The following SEMA6B variants were observed in gnomAD, a reference collection of about 807,000 sequenced individuals.
SEMA6B encodes semaphorin-6B.
A neutral mutation model predicts 78.6 loss-of-function variants in SEMA6B; 47 were observed. That is an observed-to-expected ratio of 0.60 (90% CI 0.47 to 0.76). The LOEUF (loss-of-function observed/expected upper bound fraction) is 0.76, where lower values mean the gene tolerates loss of function less well. SEMA6B is among the 30% of genes least tolerant of loss of function. The pLI, the probability that SEMA6B is intolerant of heterozygous loss-of-function variation, is 0.00. For synonymous variants in SEMA6B, 632 were observed against 592.2 expected, an observed-to-expected ratio of 1.07 and a Z score of -0.98; for missense variants, 1,213 against 1,269.9, an observed-to-expected ratio of 0.96 and a Z score of 0.68.
Position 4,544,402 on chromosome 19 carries a change from C to G in SEMA6B, c.1866G>C (p.Val622=). 2.5e-6 allele frequency: 4 copies of G among 1,602,816 alleles called. No homozygotes were observed. Among genetic ancestry groups the G allele is most frequent in the Non-Finnish European group, 3.4e-6 (4 of 1,175,914 alleles). ...VVSGFSVGWF[V]GLRERRELAR... ...CCAGCTCCCGCCGCTCACGGAGGCCCACGAACCAGCCCACGCTGAAGCCGG... is the reference window on the plus strand; with the variant it reads ...CCAGCTCCCGCCGCTCACGGAGGCCGACGAACCAGCCCACGCTGAAGCCGG... Residue 622 remains valine (V), a synonymous_variant, in exon 17 of 17, where the codon GTG becomes GTC. Transcript: ENST00000586582. This position sits in a 1 kb window ranked among gnomAD's most constrained non-coding sequence, Gnocchi z 5.1.
At position 4,543,999 on chromosome 19, in the gene SEMA6B, G is replaced by A. The variant is rs983794296; in HGVS notation, c.2269C>T (p.Arg757Trp). The A allele has an allele frequency of 1.7e-6, 2 of 1,208,876 alleles. No homozygotes were observed. Among genetic ancestry groups the A allele is most frequent in the South Asian group, 4.0e-5 (1 of 25,172 alleles). The allele number at this position is 1,208,876 out of a possible 1,614,324, so 74.9% of individuals were successfully genotyped here. A position where few individuals can be genotyped will look rare whatever the true frequency, so the allele number is the denominator to read the frequency against. The part of the protein sequence containing the change: ...SSSLLLLAPA[R>W]APEQPPAPGE... ...GGCGCGGGGGGCTGCTCGGGGGCCC[G>A]GGCGGGCGCCAGCAGCAGGAGGGAG... Residue 757 changes from arginine to tryptophan, a missense_variant, in exon 17 of 17, where the codon CGG (arginine) becomes TGG (tryptophan). Physicochemically the swap from Arg to Trp is moderately radical, Grantham distance 101. Coordinates refer to ENST00000586582, the MANE Select transcript of SEMA6B (RefSeq NM_032108.4).
intron 12 of SEMA6B, among the ~76,000 whole-genome samples, chr19:4,548,729 G>A (rs374486443): frequency 1.1e-4 from 16 of 152,242 alleles, no homozygotes; most frequent in African/African-American, 2.9e-4. Flanking sequence ...GTGCAGTGGC[G>A]CAATCTCAGC....
intron 3 of SEMA6B, 92 bp downstream of exon 3, chr19:4,557,934 T>A: frequency 8.8e-7 from 1 of 1,137,016 alleles, no homozygotes; most frequent in African/African-American, 1.6e-5. Flanking sequence ...CTGCACGACC[T>A]GCTCCATCCC....
chr19:4,548,100 G>T lies in SEMA6B; in HGVS notation c.1528C>A (p.Leu510Met). 1 of 1,591,680 alleles carries T rather than the reference G, an allele frequency of 6.3e-7. No homozygotes were observed. The highest frequency in any genetic ancestry group is 8.5e-7 in the Non-Finnish European group (1 of 1,174,364). Residue 510 changes from leucine to methionine, a missense_variant, in exon 14 of 17, where the codon CTG becomes ATG. By Grantham distance (15) the Leu-to-Met change is conservative. Coordinates refer to ENST00000586582, the MANE Select transcript of SEMA6B (RefSeq NM_032108.4). ...SLELDAASGG[L>M]LAAFPRCVVR... ...ACGCAGCGGGGGAAGGCAGCCAGCAGGCCCCCCGAAGCTGCGTCCAGCTCC... is the reference window on the plus strand; with the variant it reads ...ACGCAGCGGGGGAAGGCAGCCAGCATGCCCCCCGAAGCTGCGTCCAGCTCC...
In SEMA6B at chr19:4,552,096, A is replaced by G. The variant is rs950533353; in HGVS notation, c.989+326T>C. ...CACTGAAGCCTCAGGACCTTTGCACATGCTGTTTCTCCAACTTTGAACACC... is the reference window on the plus strand; with the variant it reads ...CACTGAAGCCTCAGGACCTTTGCACGTGCTGTTTCTCCAACTTTGAACACC... On this transcript the variant is annotated intron_variant, in intron 10 of 16. Coordinates refer to ENST00000586582, the MANE Select transcript of SEMA6B (RefSeq NM_032108.4). The surrounding 1 kb of genome is among the most constrained non-coding windows in gnomAD (Gnocchi z 7.4). 1.6e-4 allele frequency among the ~76,000 whole-genome samples: 24 copies of G among 152,238 alleles called. No individual in the cohort carries two copies. The highest frequency in any genetic ancestry group is 3.1e-4 in the Non-Finnish European group (21 of 68,012).
chr19:4,550,524 C>G lies in SEMA6B; in HGVS notation c.1122-252G>C, dbSNP rs904860498. 1.3e-5 allele frequency among the ~76,000 whole-genome samples: 2 copies of G among 152,140 alleles called. No individual in the cohort carries two copies. Among genetic ancestry groups the G allele is most frequent in the South Asian group, 4.2e-4 (2 of 4,814 alleles). ...GATTACAGGCACGTGCCATCACGCC[C>G]GGCTAATTTTTGTATTTTTAGTAGA... On this transcript the variant is annotated intron_variant, in intron 11 of 16. Coordinates refer to ENST00000586582, the MANE Select transcript of SEMA6B (RefSeq NM_032108.4). The surrounding 1 kb of genome is among the most constrained non-coding windows in gnomAD (Gnocchi z 6.6).
chr19:4,550,755 G>A lies in SEMA6B; in HGVS notation c.1121+44C>T, dbSNP rs768490279. Reference sequence around the variant, plus strand: ...CCCCAGCCCTCGGCCCTGGGGATCAGGACCTCATCCGGGCATGTGACTCAG... The same window carrying A: ...CCCCAGCCCTCGGCCCTGGGGATCAAGACCTCATCCGGGCATGTGACTCAG... On this transcript the variant is annotated intron_variant, in intron 11 of 16. Transcript: ENST00000586582. This position sits in a 1 kb window ranked among gnomAD's most constrained non-coding sequence, Gnocchi z 6.6. 1 of 1,608,760 alleles carries A rather than the reference G, an allele frequency of 6.2e-7. No homozygotes were observed. The highest frequency in any genetic ancestry group is 1.1e-5 in the South Asian group (1 of 90,660).
Position 4,550,339 on chromosome 19 carries a change from A to G in SEMA6B, c.1122-67T>C, listed in dbSNP as rs928728993. 13 of 1,550,678 alleles carry G rather than the reference A, an allele frequency of 8.4e-6. No homozygotes were observed. The highest frequency in any genetic ancestry group is 1.1e-5 in the Non-Finnish European group (12 of 1,128,358). ...CTCATAAAGGGGCCTGATTCACCAG[A>G]GGTACCCATTGCTTTGCCCAACGAC... On this transcript the variant is annotated intron_variant, in intron 11 of 16. Coordinates refer to ENST00000586582, the MANE Select transcript of SEMA6B (RefSeq NM_032108.4). This position sits in a 1 kb window ranked among gnomAD's most constrained non-coding sequence, Gnocchi z 6.6.
In SEMA6B at chr19:4,552,499, C is replaced by T; in HGVS notation, c.912G>A (p.Val304=). The change falls in exon 10 of 17, where the codon GTG becomes GTA. Residue 304 remains valine (V), a synonymous_variant. Coordinates refer to ENST00000586582, the MANE Select transcript of SEMA6B (RefSeq NM_032108.4). This position sits in a 1 kb window ranked among gnomAD's most constrained non-coding sequence, Gnocchi z 7.4. Reference sequence around the variant, plus strand: ...TGACCACGCCCGTGACAGCCTGCAGCACGTTGAAGTAGAAATGGGAGTCTC... The same window carrying T: ...TGACCACGCCCGTGACAGCCTGCAGTACGTTGAAGTAGAAATGGGAGTCTC... ...VPGDSHFYFN[V]LQAVTGVVSL... is the part of the protein sequence containing the mutation. 6.2e-7 allele frequency: 1 copy of T among 1,612,430 alleles called. No homozygotes were observed. The highest frequency in any genetic ancestry group is 8.5e-7 in the Non-Finnish European group (1 of 1,179,806).
intron 8 of SEMA6B, 136 bp from the exon 9 acceptor site, chr19:4,554,612 T>C: frequency 1.4e-6 from 1 of 691,446 alleles, no homozygotes; most frequent in Non-Finnish European, 2.5e-6. Context: ...ACTCAAAGTT[T>C]GGTATTTTGC....
At chr19:4,547,939 T>C (rs918047450) in intron 14 of SEMA6B, 88 bp downstream of exon 14, 41 of 1,423,052 alleles carry the variant, frequency 2.9e-5, no homozygotes, top group African/African-American at 2.7e-4. Context: ...CAGGACATCA[T>C]TGGGCTTTTG....
At position 4,550,046 on chromosome 19, in the gene SEMA6B, T is replaced by G; in HGVS notation, c.1271+77A>C. The G allele has an allele frequency of 3.4e-6, 5 of 1,472,748 alleles. No homozygotes were observed. The highest frequency in any genetic ancestry group is 3.7e-6 in the Non-Finnish European group (4 of 1,068,382). The allele number at this position is 1,472,748 out of a possible 1,614,324, so 91.2% of individuals were successfully genotyped here. A position where few individuals can be genotyped will look rare whatever the true frequency, so the allele number is the denominator to read the frequency against. ...CCGGAAGCCATGGGCTCATCTGTGT[T>G]GAGCATCTGGATCCTCTCACCCTCC... is the stretch of plus-strand genomic sequence containing the variant. On this transcript the variant is annotated intron_variant, in intron 12 of 16. Transcript: ENST00000586582. This position sits in a 1 kb window ranked among gnomAD's most constrained non-coding sequence, Gnocchi z 6.6.
At position 4,558,036 on chromosome 19, in the gene SEMA6B, T is replaced by C. The variant is rs913877280; in HGVS notation, c.235A>G (p.Ile79Val). The C allele has an allele frequency of 1.0e-5, 15 of 1,466,782 alleles. No individual in the cohort carries two copies. Among genetic ancestry groups the C allele is most frequent in the Non-Finnish European group, 1.4e-5 (15 of 1,095,072 alleles). 90.9% of individuals were successfully genotyped at this position (1,466,782 alleles called of 1,614,324 possible). ...TGTCCCCAGCAATACCTGTCCCCAA[T>C]GAACAGCGTCCTGTTGACCCGCAGG... ...RVLRVNRTLFIGDRDNLYRVE... is the reference protein window; with the variant it reads ...RVLRVNRTLFVGDRDNLYRVE... The change falls in exon 3 of 17, where the codon ATT (isoleucine) becomes GTT (valine). Residue 79 changes from isoleucine to valine, a missense_variant. By Grantham distance (29) the Ile-to-Val change is conservative (BLOSUM62 3). Coordinates refer to ENST00000586582, the MANE Select transcript of SEMA6B (RefSeq NM_032108.4). This position sits in a 1 kb window ranked among gnomAD's most constrained non-coding sequence, Gnocchi z 5.1.
At chr19:4,551,204 C>A (rs868263314) in intron 10 of SEMA6B, among the ~76,000 whole-genome samples, 3 of 151,328 alleles carry the variant, frequency 2.0e-5, no homozygotes, top group Non-Finnish European at 4.4e-5. Flanking sequence ...ACTGTTAGAG[C>A]CCACTCCCCA....
rs770299513 is a variant in SEMA6B, at chr19:4,550,311, G to A, written c.1122-39C>T. ...GGGTGTGGTCAGGACGAACGTAAAG[G>A]TTCTCATAAAGGGGCCTGATTCACC... is the stretch of plus-strand genomic sequence containing the variant. On this transcript the variant is annotated intron_variant, in intron 11 of 16. Transcript: ENST00000586582. This position sits in a 1 kb window ranked among gnomAD's most constrained non-coding sequence, Gnocchi z 6.6. 8 of 1,608,946 alleles carry A rather than the reference G, an allele frequency of 5.0e-6. No homozygotes were observed. In the Middle Eastern group the frequency reaches 5.0e-4, roughly 100 times the overall value.
rs1348608690 is a variant in SEMA6B at position 4,556,124 on chromosome 19, T to C, written c.370-35A>G. 9 of 1,491,942 alleles carry C rather than the reference T, an allele frequency of 6.0e-6. No individual in the cohort carries two copies. In the South Asian group the frequency reaches 1.0e-4, roughly 17 times the overall value. 92.4% of individuals were successfully genotyped at this position (1,491,942 alleles called of 1,614,324 possible). A position where few individuals can be genotyped will look rare whatever the true frequency, so the allele number is the denominator to read the frequency against. On this transcript the variant is annotated intron_variant, in intron 5 of 16. Coordinates refer to ENST00000586582, the MANE Select transcript of SEMA6B (RefSeq NM_032108.4). ...GGACAGGAGGAAGCGGGGAGCGCGA[T>C]GTGGGCGTGGTCATGGTGATGGGCG...
In SEMA6B at chr19:4,550,310, G is replaced by T. The variant is rs532129648; in HGVS notation, c.1122-38C>A. On this transcript the variant is annotated intron_variant, in intron 11 of 16. Coordinates refer to ENST00000586582, the MANE Select transcript of SEMA6B (RefSeq NM_032108.4). The surrounding 1 kb of genome is among the most constrained non-coding windows in gnomAD (Gnocchi z 6.6). ...AGGGTGTGGTCAGGACGAACGTAAAGGTTCTCATAAAGGGGCCTGATTCAC... is the reference window on the plus strand; with the variant it reads ...AGGGTGTGGTCAGGACGAACGTAAATGTTCTCATAAAGGGGCCTGATTCAC... 6.2e-7 allele frequency: 1 copy of T among 1,609,230 alleles called. No homozygotes were observed. Among genetic ancestry groups the T allele is most frequent in the South Asian group, 1.1e-5 (1 of 90,996 alleles).
At position 4,544,588 on chromosome 19, in the gene SEMA6B, C is replaced by G; in HGVS notation, c.1739-59G>C. 2.7e-6 allele frequency: 3 copies of G among 1,122,670 alleles called. No individual in the cohort carries two copies. Among genetic ancestry groups the G allele is most frequent in the Non-Finnish European group, 3.5e-6 (3 of 846,156 alleles). 69.5% of individuals were successfully genotyped at this position (1,122,670 alleles called of 1,614,324 possible). Reference sequence around the variant, plus strand: ...GGCGGGGTGGCCCTGGGCATCCCTCCTACCTCCTCGGGGCCCTCTGTCCTC... The same window carrying G: ...GGCGGGGTGGCCCTGGGCATCCCTCGTACCTCCTCGGGGCCCTCTGTCCTC... On this transcript the variant is annotated intron_variant, in intron 16 of 16. Transcript: ENST00000586582. The surrounding 1 kb of genome is among the most constrained non-coding windows in gnomAD (Gnocchi z 5.1).
At chr19:4,556,752 G>C (rs1320012698) in intron 5 of SEMA6B, among the ~76,000 whole-genome samples, 199 bp downstream of exon 5, 1 of 151,384 alleles carries the variant, frequency 6.6e-6, no homozygotes, top group East Asian at 2.0e-4. Context: ...AGGACCAATT[G>C]GGTGGGGACG....
Sources: gnomAD v4.1 joint callset for allele counts (sites outside exome capture counted in the v4.1 genomes callset) on GRCh38, gnomAD v4.1.1 for gene constraint, Gnocchi (gnomAD v3.1) non-coding constraint, MANE v1.5 for transcripts, NCBI Gene and HGNC (gene_info 2026-07-23, HGNC 2026-07-21) for gene names.